Variants in RELL1 observed in about 807,000 individuals in gnomAD.
The protein encoded by RELL1 is RELT like 1.
A neutral mutation model predicts 23.0 loss-of-function variants in RELL1; 10 were observed. That is an observed-to-expected ratio of 0.43 (90% confidence interval 0.27 to 0.74). The LOEUF is 0.74. Ranked by LOEUF, RELL1 falls within the 30% of genes least tolerant of loss-of-function variation. The pLI is 0.19. For synonymous variants in RELL1, 146 were observed against 146.8 expected (o/e 0.99, Z 0.04); for missense variants, 315 against 364.4 (o/e 0.86, Z 1.10).
chr4:37,635,044 CG>C lies in RELL1; in HGVS notation c.522del (p.His174GlnfsTer30). On this transcript the variant is annotated frameshift_variant, in exon 5 of 7. Coordinates refer to ENST00000454158, the MANE Select transcript of RELL1 (RefSeq NM_001085400.2). LOFTEE classifies it high-confidence loss of function. Reference protein sequence around the residue: ...PLSPGGTPGKHVCGHHLHTVG... With the variant: ...PLSPGGTPGKXVCGHHLHTVG... The stretch of plus-strand genomic sequence containing the variant: ...ACCGTATGCAGATGATGGCCACAGA[CG>C]TGCTTCCCTGGCGTCCCCCCTGGTG... 1 of 1,614,218 alleles carries C rather than the reference CG, an allele frequency of 6.2e-7. No individual in the cohort carries two copies. Among genetic ancestry groups the C allele is most frequent in the Non-Finnish European group, 8.5e-7 (1 of 1,180,042 alleles).
At chr4:37,634,435 C>A (rs980388711) in intron 5 of RELL1, among the ~76,000 whole-genome samples, 32 of 152,220 alleles carry the variant, frequency 2.1e-4, no homozygotes, top group African/African-American at 7.5e-4. Context: ...GAGCCACTCT[C>A]AGGCCTAGCT....
At chr4:37,623,876 C>T (rs1458502945) in intron 6 of RELL1, among the ~76,000 whole-genome samples, 3 of 152,094 alleles carry the variant, frequency 2.0e-5, no homozygotes, top group African/African-American at 7.2e-5. Flanking sequence ...ATCTGAGATC[C>T]TTTTGCTTTT....
intron 1 of RELL1, among the ~76,000 whole-genome samples, chr4:37,658,036 G>A (rs1336955930): frequency 1.3e-5 from 2 of 152,154 alleles, no homozygotes; most frequent in Non-Finnish European, 2.9e-5. Flanking sequence ...TTGAGCCCAG[G>A]AGTTCAAAGC....
At chr4:37,631,996 T>C (rs934203266) in intron 5 of RELL1, among the ~76,000 whole-genome samples, 2 of 144,568 alleles carry the variant, frequency 1.4e-5, no homozygotes, top group South Asian at 2.2e-4. Context: ...GGAGAATCAC[T>C]TGAGCCCAGG....
intron 4 of RELL1, among the ~76,000 whole-genome samples, chr4:37,635,729 T>C (rs1435318698): frequency 6.6e-6 from 1 of 152,236 alleles, no homozygotes; most frequent in African/African-American, 2.4e-5. Flanking sequence ...GTATTATGTT[T>C]CTTTCTAAAA....
At chr4:37,669,909 G>A (rs541465883) in intron 1 of RELL1, among the ~76,000 whole-genome samples, 4 of 151,632 alleles carry the variant, frequency 2.6e-5, no homozygotes, top group South Asian at 2.1e-4. Context: ...GCGGAAGGCC[G>A]CAGGGTCCTC....
chr4:37,659,295 A>G (rs1721235107), intron 1 of RELL1, among the ~76,000 whole-genome samples: 1 of 152,218 alleles, frequency 6.6e-6, no homozygotes, highest in African/African-American at 2.4e-5. Context: ...TGAGATTACA[A>G]AAGAAAACGT....
chr4:37,608,062 C>A (rs1046799706), downstream of RELL1, among the ~76,000 whole-genome samples: 4 of 152,130 alleles, frequency 2.6e-5, no homozygotes, highest in Admixed American at 2.0e-4. Context: ...ATGAACTGTG[C>A]CCACATAAAA....
chr4:37,638,948 T>C (rs115355480), intron 3 of RELL1, among the ~76,000 whole-genome samples: 17 of 152,320 alleles, frequency 1.1e-4, no homozygotes, highest in Non-Finnish European at 2.4e-4. Context: ...TAATAACTTG[T>C]ATGTGCCAAA....
downstream of RELL1, among the ~76,000 whole-genome samples, chr4:37,608,173 G>A (rs1719280372): frequency 6.6e-6 from 1 of 152,028 alleles, no homozygotes; most frequent in Non-Finnish European, 1.5e-5. Context: ...CCTATTCCCT[G>A]AGACAAAATA....
chr4:37,604,526 C>T (rs1297286768), intron 6 of RELL1, among the ~76,000 whole-genome samples: 2 of 151,818 alleles, frequency 1.3e-5, no homozygotes, highest in Non-Finnish European at 2.9e-5. Flanking sequence ...CACACACACG[C>T]ACACTCCAAA....
Position 37,625,673 on chromosome 4 carries a change from G to A in RELL1, c.*3+5712C>T, listed in dbSNP as rs1257097316. ...AGGAAAAATTACAACTCTAAAGACT[G>A]TATCAGAAATCTATTGCACAATATG... On this transcript the variant is annotated intron_variant, in intron 6 of 6. Transcript: ENST00000454158. Among the ~76,000 whole-genome samples, 4 of 152,214 alleles carry A rather than the reference G, an allele frequency of 2.6e-5. No individual in the cohort carries two copies. In the East Asian group the frequency reaches 7.7e-4, roughly 29 times the overall value.
At chr4:37,685,740 G>A (rs1722380918) in intron 1 of RELL1, among the ~76,000 whole-genome samples, 1 of 152,244 alleles carries the variant, frequency 6.6e-6, no homozygotes, top group Admixed American at 6.5e-5. Context: ...AGTCCTCCAG[G>A]TTTTAGGATA....
intron 1 of RELL1, among the ~76,000 whole-genome samples, chr4:37,680,414 A>T (rs1319875353): frequency 6.6e-6 from 1 of 152,238 alleles, no homozygotes; most frequent in East Asian, 1.9e-4. Flanking sequence ...CATTGAAATG[A>T]GTTTTAAAAC....
chr4:37,611,163 TA>T lies in RELL1; in HGVS notation c.*2182del, dbSNP rs1489073414. On this transcript the variant is annotated 3_prime_UTR_variant, in exon 7 of 7. Coordinates refer to ENST00000454158, the MANE Select transcript of RELL1 (RefSeq NM_001085400.2). ...AAATAATTAAAGCTAAAGAATATCTTACATTTTATCCCCCACCATTTTGAGG... is the reference window on the plus strand; with the variant it reads ...AAATAATTAAAGCTAAAGAATATCTTCATTTTATCCCCCACCATTTTGAGG... Among the ~76,000 whole-genome samples, 1 of 152,220 alleles carries T rather than the reference TA, an allele frequency of 6.6e-6. No individual in the cohort carries two copies. The highest frequency in any genetic ancestry group is 1.5e-5 in the Non-Finnish European group (1 of 68,048).
At chr4:37,638,374 A>T in intron 4 of RELL1, 73 bp downstream of exon 4, 3 of 1,190,020 alleles carry the variant, frequency 2.5e-6, no homozygotes, top group Non-Finnish European at 3.7e-6. Context: ...GCAGAAGAGC[A>T]TTTCAGATGG....
intron 1 of RELL1, among the ~76,000 whole-genome samples, chr4:37,660,337 T>A (rs1449071767): frequency 6.6e-6 from 1 of 151,944 alleles, no homozygotes; most frequent in Non-Finnish European, 1.5e-5. Context: ...ATTCCACTAT[T>A]CCCCAACCTT....
At chr4:37,662,769 C>T (rs1721399527) in intron 1 of RELL1, among the ~76,000 whole-genome samples, 1 of 151,576 alleles carries the variant, frequency 6.6e-6, no homozygotes, top group Non-Finnish European at 1.5e-5. Flanking sequence ...CCACCCCCAT[C>T]CCCCCATCTT....
At chr4:37,663,707 A>G (rs1372121305) in intron 1 of RELL1, among the ~76,000 whole-genome samples, 1 of 152,152 alleles carries the variant, frequency 6.6e-6, no homozygotes, top group Non-Finnish European at 1.5e-5. Context: ...TCCAACCCAG[A>G]CAATGGAATC....
Sources: gnomAD v4.1 joint callset for allele counts (sites outside exome capture counted in the v4.1 genomes callset) on GRCh38, gnomAD v4.1.1 for gene constraint, MANE v1.5 for transcripts, NCBI Gene and HGNC (gene_info 2026-07-23, HGNC 2026-07-21) for gene names.